Variants in CHD6 observed in about 807,000 individuals in gnomAD.
CHD6 encodes chromodomain helicase DNA binding protein 6, also known as ATP-dependent chromatin remodeler CHD6.
In CHD6, 50 loss-of-function variants were observed where a neutral mutation model predicts 276.9. The observed-to-expected ratio is 0.18, with a 90% confidence interval of 0.14 to 0.23. CHD6 has a LOEUF of 0.23. Ranked by LOEUF, CHD6 falls within the 10% of genes least tolerant of loss-of-function variation. The pLI, the probability that CHD6 is intolerant of heterozygous loss-of-function variation, is 1.00. For synonymous variants in CHD6, 1,173 were observed against 1,229.3 expected (o/e 0.95, Z 0.96); for missense variants, 2,564 against 3,365.8 (o/e 0.76, Z 5.89).
At position 41,612,849 on chromosome 20, in the gene CHD6, AT is replaced by A. The variant is rs557701163; in HGVS notation, c.-24+5490del. ...AGGTATTTTCCCTAATCTAATTATTATTATCTATTATTAAACAAAATAAACT... is the reference window on the plus strand; with the variant it reads ...AGGTATTTTCCCTAATCTAATTATTATATCTATTATTAAACAAAATAAACT... On this transcript the variant is annotated intron_variant, in intron 1 of 36. Coordinates refer to ENST00000373233, the MANE Select transcript of CHD6 (RefSeq NM_032221.5). Among the ~76,000 whole-genome samples the A allele has an allele frequency of 3.9e-5, 6 of 152,282 alleles. No homozygotes were observed. The East Asian group carries it at 1.2e-3, about 29-fold the overall frequency.
chr20:41,403,230 G>C lies in CHD6; in HGVS notation c.*1363C>G, dbSNP rs1040559753. Reference sequence around the variant, plus strand: ...AGTGAAACTGGTACTAGTAACACTTGCAACATTTCCAAGGGTCCTGCGCAG... The same window carrying C: ...AGTGAAACTGGTACTAGTAACACTTCCAACATTTCCAAGGGTCCTGCGCAG... On this transcript the variant is annotated 3_prime_UTR_variant, in exon 37 of 37. Coordinates refer to ENST00000373233, the MANE Select transcript of CHD6 (RefSeq NM_032221.5). The C allele has an allele frequency of 7.6e-6, 8 of 1,053,040 alleles. No homozygotes were observed. The South Asian group carries it at 2.8e-4, about 36-fold the overall frequency. 65.2% of individuals were successfully genotyped at this position (1,053,040 alleles called of 1,614,324 possible).
chr20:41,546,796 A>G (rs2045051653), intron 2 of CHD6, among the ~76,000 whole-genome samples: 2 of 152,246 alleles, frequency 1.3e-5, no homozygotes, highest in Admixed American at 1.3e-4. Flanking sequence ...TTTAATGTAG[A>G]TAAAAGTCTA....
intron 1 of CHD6, among the ~76,000 whole-genome samples, chr20:41,577,923 T>C (rs1490130387): frequency 6.6e-6 from 1 of 152,180 alleles, no homozygotes; most frequent in Non-Finnish European, 1.5e-5. Context: ...GACAATCATA[T>C]AAGGATTAAA....
Position 41,587,477 on chromosome 20 carries a change from G to A in CHD6, c.-24+30863C>T, listed in dbSNP as rs548154813. Among the ~76,000 whole-genome samples the A allele has an allele frequency of 7.9e-4, 120 of 152,294 alleles. 2 individuals are homozygous for A. In the South Asian group the frequency reaches 0.024, roughly 31 times the overall value. ...ATGAATCAGCTTTCCTTTCAGTAGAGGGTCTCTTCTCTCATGCTTTTCATT... is the reference window on the plus strand; with the variant it reads ...ATGAATCAGCTTTCCTTTCAGTAGAAGGTCTCTTCTCTCATGCTTTTCATT... On this transcript the variant is annotated intron_variant, in intron 1 of 36. Transcript: ENST00000373233.
rs764932222 is a variant in CHD6, at chr20:41,497,474, T to C, written c.1002A>G (p.Thr334=). 1 of 1,613,666 alleles carries C rather than the reference T, an allele frequency of 6.2e-7. No individual in the cohort carries two copies. Among genetic ancestry groups the C allele is most frequent in the Non-Finnish European group, 8.5e-7 (1 of 1,179,632 alleles). Residue 334 remains threonine (T), a synonymous_variant, in exon 8 of 37, where the codon ACA becomes ACG. Transcript: ENST00000373233. The stretch of plus-strand genomic sequence containing the variant: ...GAGGATCCTTTTCGAGCTCTTCCAT[T>C]GTGGCCCATTTACAATGTAAGTAGG... ...NFSYLHCKWA[T]MEELEKDPRI...
At chr20:41,430,251 C>A (rs1387417473) in intron 27 of CHD6, among the ~76,000 whole-genome samples, 2 of 152,186 alleles carry the variant, frequency 1.3e-5, no homozygotes, top group Non-Finnish European at 2.9e-5. Context: ...ATATTCTATA[C>A]CCCAGGTTTT....
rs563505730 is a variant in CHD6 at position 41,576,036 on chromosome 20, G to A, written c.-23-24676C>T. Among the ~76,000 whole-genome samples the A allele has an allele frequency of 5.3e-5, 8 of 152,172 alleles. No individual in the cohort carries two copies. The South Asian group carries it at 1.2e-3, about 24-fold the overall frequency. On this transcript the variant is annotated intron_variant, in intron 1 of 36. Transcript: ENST00000373233. ...ATTTATTCTCTAGATGAAAAAGAAAGCTTCTTTTAATATAGAGGAAAAATT... is the reference window on the plus strand; with the variant it reads ...ATTTATTCTCTAGATGAAAAAGAAAACTTCTTTTAATATAGAGGAAAAATT...
At chr20:41,460,756 C>T (rs372001774) in intron 17 of CHD6, among the ~76,000 whole-genome samples, 23 of 152,302 alleles carry the variant, frequency 1.5e-4, no homozygotes, top group African/African-American at 3.6e-4. Flanking sequence ...TAGAGCAGTG[C>T]GGAAGGGAAA....
intron 26 of CHD6, 39 bp from the exon 27 acceptor site, chr20:41,437,373 G>A (rs781159733): frequency 6.8e-7 from 1 of 1,465,322 alleles, no homozygotes; most frequent in East Asian, 2.3e-5. Flanking sequence ...TACTACCTAG[G>A]TCCCCCTTAT....
chr20:41,478,010 T>C (rs1189749250), intron 16 of CHD6, among the ~76,000 whole-genome samples: 1 of 152,178 alleles, frequency 6.6e-6, no homozygotes, highest in Non-Finnish European at 1.5e-5. Context: ...CCTTACTCTT[T>C]CTCACCCCTC....
In CHD6 at chr20:41,451,905, G is replaced by A. The variant is rs368194677; in HGVS notation, c.3444C>T (p.Asp1148=). The part of the protein sequence containing the change: ...LVYCVKHYKG[D]EKIKSFIWEL... ...CCCAAATGAAACTCTTGATCTTCTC[G>A]TCCCCCTTATAATGCTTGACACAGT... The change falls in exon 22 of 37, where the codon GAC becomes GAT. Residue 1148 remains aspartate (D), a synonymous_variant. Coordinates refer to ENST00000373233, the MANE Select transcript of CHD6 (RefSeq NM_032221.5). 23 of 1,613,888 alleles carry A rather than the reference G, an allele frequency of 1.4e-5. No individual in the cohort carries two copies. The highest frequency in any genetic ancestry group is 2.7e-5 in the African/African-American group (2 of 74,848).
At chr20:41,499,380 A>T (rs1458914145) in intron 5 of CHD6, 23 bp from the exon 6 acceptor site, 1 of 1,556,238 alleles carries the variant, frequency 6.4e-7, no homozygotes, top group Admixed American at 1.9e-5. Context: ...ATAAAAAAAA[A>T]AGAAAATTGC....
intron 27 of CHD6, among the ~76,000 whole-genome samples, chr20:41,429,483 T>A (rs1353083964): frequency 6.6e-6 from 1 of 152,182 alleles, no homozygotes; most frequent in Non-Finnish European, 1.5e-5. Flanking sequence ...AACGCCACAT[T>A]TTAAGAGGAC....
At chr20:41,449,699 T>C (rs1010402948) in intron 23 of CHD6, among the ~76,000 whole-genome samples, 4 of 152,256 alleles carry the variant, frequency 2.6e-5, no homozygotes, top group Admixed American at 2.6e-4. Context: ...TAAAAGTATT[T>C]TACTGATGTG....
At chr20:41,609,068 T>C (rs2045858791) in intron 1 of CHD6, among the ~76,000 whole-genome samples, 1 of 152,218 alleles carries the variant, frequency 6.6e-6, no homozygotes, top group Non-Finnish European at 1.5e-5. Flanking sequence ...CCAAACCTTT[T>C]AAGCTTAGGA....
Position 41,404,849 on chromosome 20 carries a change from C to T in CHD6, c.7892G>A (p.Gly2631Asp). The change falls in exon 37 of 37, where the codon GGT becomes GAT. Residue 2631 changes from glycine to aspartate, a missense_variant. Physicochemically the swap from Gly to Asp is moderately conservative, Grantham distance 94 (BLOSUM62 -1). Around this residue, in one of 7 missense-constraint regions of CHD6, gnomAD observed 238 missense variants for 266.0 expected, o/e 0.89. Transcript: ENST00000373233. Reference sequence around the variant, plus strand: ...CATGGCTGGCAGAGCCATGCCCATACCAGGGGAGAGGAACATGGATGGGTA... The same window carrying T: ...CATGGCTGGCAGAGCCATGCCCATATCAGGGGAGAGGAACATGGATGGGTA... ...LIYPSMFLSPGMGMALPAMQQ... is the reference protein window; with the variant it reads ...LIYPSMFLSPDMGMALPAMQQ... 5 of 1,614,056 alleles carry T rather than the reference C, an allele frequency of 3.1e-6. No homozygotes were observed. The highest frequency in any genetic ancestry group is 4.2e-6 in the Non-Finnish European group (5 of 1,180,030).
At chr20:41,514,778 C>T (rs769398121) in intron 4 of CHD6, 27 bp downstream of exon 4, 108 of 1,611,050 alleles carry the variant, frequency 6.7e-5, no homozygotes, top group Non-Finnish European at 8.4e-5. Context: ...CCGTAATCTC[C>T]ACCAGGCCTC....
At position 41,416,693 on chromosome 20, in the gene CHD6, G is replaced by C; in HGVS notation, c.6381C>G (p.Thr2127=). ...AACCAGCACTGCTGGTTAATACCGG[G>C]GTGGGCAGTGTGCCTGAGGGCTCAT... ...QQYEPSGTLP[T]PVLTSSAGSR... is the part of the protein sequence containing the mutation. Residue 2127 remains threonine, a synonymous_variant, in exon 33 of 37, where the codon ACC becomes ACG. Coordinates refer to ENST00000373233, the MANE Select transcript of CHD6 (RefSeq NM_032221.5). 1 of 1,614,114 alleles carries C rather than the reference G, an allele frequency of 6.2e-7. No individual in the cohort carries two copies. The highest frequency in any genetic ancestry group is 8.5e-7 in the Non-Finnish European group (1 of 1,179,986).
chr20:41,577,309 G>A (rs1384809262), intron 1 of CHD6, among the ~76,000 whole-genome samples: 1 of 152,118 alleles, frequency 6.6e-6, no homozygotes, highest in Non-Finnish European at 1.5e-5. Context: ...AAAATATATA[G>A]CTAAGATTTA....
Sources: gnomAD v4.1 joint callset for allele counts (sites outside exome capture counted in the v4.1 genomes callset) on GRCh38, gnomAD v4.1.1 for gene constraint, gnomAD v4.1.1 regional missense constraint, MANE v1.5 for transcripts, NCBI Gene and HGNC (gene_info 2026-07-23, HGNC 2026-07-21) for gene names.